ZC3H12B: variants seen among roughly 807,000 people sequenced by gnomAD.
The protein encoded by ZC3H12B is zinc finger CCCH-type containing 12B, also known as probable ribonuclease ZC3H12B.
A neutral mutation model predicts 43.9 loss-of-function variants in ZC3H12B; 7 were observed. That is an observed-to-expected ratio of 0.16 (90% CI 0.09 to 0.30). The LOEUF is 0.30. ZC3H12B is among the 10% of genes least tolerant of loss of function. The pLI is 1.00. For synonymous variants in ZC3H12B, 222 were observed against 241.7 expected (o/e 0.92, Z 0.76); for missense variants, 475 against 670.2 (o/e 0.71, Z 3.22).
the ZC3H12B span, among the ~76,000 whole-genome samples, chrX:65,163,614 C>T: frequency 8.9e-6 from 1 of 111,930 alleles, no homozygotes; most frequent in African/African-American, 3.3e-5. Flanking sequence ...GTTTTTTAAG[C>T]CCGTCAGAAA....
At position 65,407,529 on chromosome X, in the gene ZC3H12B, G is replaced by A. The variant is rs367856506; in HGVS notation, n.407+8825G>A. On this transcript the variant is annotated intron_variant and non_coding_transcript_variant, in intron 3 of 5. Coordinates refer to the ZC3H12B transcript ENST00000617377. ...GGCCGAGGGCGCAGCCGAGTCTTGC[G>A]GGAGTCGCCCCGAAAGCGTCGGGTT... Among the ~76,000 whole-genome samples the A allele has an allele frequency of 1.5e-3, 169 of 113,680 alleles. 2 individuals are homozygous for A. The highest frequency in any genetic ancestry group is 5.2e-3 in the African/African-American group (165 of 31,482).
the ZC3H12B span, among the ~76,000 whole-genome samples, chrX:65,077,920 G>T: frequency 7.6e-3 from 845 of 111,780 alleles, 9 homozygotes; most frequent in African/African-American, 0.026. Flanking sequence ...TTTCTGTTCA[G>T]TAATTTCCAG....
the ZC3H12B span, among the ~76,000 whole-genome samples, chrX:65,043,068 G>C: frequency 9.0e-6 from 1 of 111,427 alleles, no homozygotes; most frequent in African/African-American, 3.3e-5. Flanking sequence ...TCTCAATTCT[G>C]ATTGACATAG....
intron 3 of ZC3H12B, among the ~76,000 whole-genome samples, chrX:65,406,566 A>AGCGGGGCTGGGCGGGGCTGGG (rs1569396762): frequency 1.1e-5 from 1 of 88,225 alleles, no homozygotes; most frequent in African/African-American, 4.4e-5. Flanking sequence ...TCGGGGCTGA[A>AGCGGGGCTGGGCGGGGCTGGG]CGGGGCTGGG....
At chrX:65,242,283 C>T in the ZC3H12B span, among the ~76,000 whole-genome samples, 5 of 111,589 alleles carry the variant, frequency 4.5e-5, no homozygotes, top group Admixed American at 3.8e-4. Context: ...GAGCTGCGGA[C>T]GGCAATTGCT....
the ZC3H12B span, among the ~76,000 whole-genome samples, chrX:65,178,936 C>G: frequency 8.9e-6 from 1 of 112,253 alleles, no homozygotes; most frequent in Non-Finnish European, 1.9e-5. Context: ...GTAACTTATT[C>G]TGCCATAAAG....
chrX:65,464,200 C>T (rs1344016460), intron 3 of ZC3H12B, among the ~76,000 whole-genome samples: 1 of 112,151 alleles, frequency 8.9e-6, no homozygotes, highest in African/African-American at 3.2e-5. Flanking sequence ...CATTTTCATA[C>T]CTATTTCAAT....
intron 3 of ZC3H12B, among the ~76,000 whole-genome samples, chrX:65,454,287 T>A (rs915138643): frequency 7.1e-5 from 8 of 112,337 alleles, no homozygotes; most frequent in African/African-American, 2.6e-4. Flanking sequence ...ACCCTAATAC[T>A]GTGCTTTTCC....
At chrX:65,377,649 T>C (rs1183001856) in intron 2 of ZC3H12B, among the ~76,000 whole-genome samples, 2 of 110,418 alleles carry the variant, frequency 1.8e-5, no homozygotes, top group African/African-American at 6.6e-5. Flanking sequence ...AAAAAAGAAA[T>C]GGTTAACCAA....
the ZC3H12B span, among the ~76,000 whole-genome samples, chrX:65,051,672 C>CT: frequency 9.9e-5 from 11 of 111,213 alleles, no homozygotes; most frequent in African/African-American, 3.3e-4. Flanking sequence ...CAGCCTAAGA[C>CT]TTTTTTTTCA....
chrX:65,437,303 T>C (rs2067232992), intron 3 of ZC3H12B, among the ~76,000 whole-genome samples: 1 of 111,671 alleles, frequency 9.0e-6, no homozygotes, highest in South Asian at 3.7e-4. Flanking sequence ...CCCTGCTCTA[T>C]ACCCTTCCCA....
chrX:65,088,430 T>C, the ZC3H12B span, among the ~76,000 whole-genome samples: 117 of 111,206 alleles, frequency 1.1e-3, no homozygotes, highest in African/African-American at 3.7e-3. Flanking sequence ...GCCCTTACAT[T>C]CACTTGCCAC....
At chrX:65,276,994 G>T in the ZC3H12B span, among the ~76,000 whole-genome samples, 1 of 111,372 alleles carries the variant, frequency 9.0e-6, no homozygotes, top group Non-Finnish European at 1.9e-5. Flanking sequence ...CATCTGTAAA[G>T]ACACACGTAG....
chrX:65,056,883 G>C, the ZC3H12B span, among the ~76,000 whole-genome samples: 4 of 111,543 alleles, frequency 3.6e-5, no homozygotes, highest in Admixed American at 3.8e-4. Flanking sequence ...TTTAAAGTCT[G>C]TTTTATCAGA....
chrX:65,082,338 T>G, the ZC3H12B span, among the ~76,000 whole-genome samples: 2 of 111,583 alleles, frequency 1.8e-5, no homozygotes, highest in Non-Finnish European at 3.8e-5. Context: ...AAAAAGTTAC[T>G]TTTTTGAAAA....
At chrX:65,449,057 AAG>A (rs1288054911) in intron 3 of ZC3H12B, among the ~76,000 whole-genome samples, 3 of 107,760 alleles carry the variant, frequency 2.8e-5, no homozygotes, top group African/African-American at 1.0e-4. Context: ...GAAAGAAAGA[AAG>A]AAGGAAGGAA....
At chrX:65,231,242 A>G in the ZC3H12B span, among the ~76,000 whole-genome samples, 1 of 111,110 alleles carries the variant, frequency 9.0e-6, no homozygotes, top group African/African-American at 3.3e-5. Context: ...CAGAGATCAC[A>G]TGCTTCAAAG....
chrX:65,475,108 C>CCA (rs767724212), intron 3 of ZC3H12B, among the ~76,000 whole-genome samples: 2 of 112,014 alleles, frequency 1.8e-5, no homozygotes, highest in East Asian at 2.8e-4. Flanking sequence ...TACATCCCCC[C>CCA]CACACACACA....
chrX:65,388,005 T>G (rs1331157947), intron 2 of ZC3H12B, among the ~76,000 whole-genome samples: 2 of 112,354 alleles, frequency 1.8e-5, no homozygotes, highest in African/African-American at 6.5e-5. Flanking sequence ...TCTGCCGAGA[T>G]ATCTGCTGTT....
Sources: allele counts gnomAD v4.1 joint callset (sites outside exome capture counted in the v4.1 genomes callset), GRCh38; gene constraint gnomAD v4.1.1; transcripts MANE v1.5; gene names NCBI Gene and HGNC (gene_info 2026-07-23, HGNC 2026-07-21).